Variants in UCMA observed in about 807,000 individuals in gnomAD.
UCMA encodes upper zone of growth plate and cartilage matrix associated.
In UCMA, 21 loss-of-function variants were observed where a neutral mutation model predicts 21.8. That is an observed-to-expected ratio of 0.97 (90% CI 0.68 to 1.39). The LOEUF (loss-of-function observed/expected upper bound fraction) is 1.39. Ranked by LOEUF, UCMA falls within the 40% of genes most tolerant of loss-of-function variation. The pLI, the probability that UCMA is intolerant of heterozygous loss-of-function variation, is 0.00. For missense variants in UCMA, 193 were observed against 178.9 expected, an observed-to-expected ratio of 1.08 and a Z score of -0.45; for synonymous variants, 76 against 67.9, an observed-to-expected ratio of 1.12 and a Z score of -0.58.
At chr10:13,231,254 C>A (rs1834896200) in intron 3 of UCMA, among the ~76,000 whole-genome samples, 1 of 152,160 alleles carries the variant, frequency 6.6e-6, no homozygotes, top group Non-Finnish European at 1.5e-5. Context: ...CCGTGACCTA[C>A]TTAGTTGCAG....
intron 3 of UCMA, among the ~76,000 whole-genome samples, chr10:13,231,419 C>G (rs912306004): frequency 6.6e-6 from 1 of 152,108 alleles, no homozygotes; most frequent in Admixed American, 6.6e-5. Flanking sequence ...AGCTAGGGTA[C>G]CAGGTTCCCA....
intron 4 of UCMA, among the ~76,000 whole-genome samples, chr10:13,227,945 T>G (rs1834845778): frequency 2.0e-5 from 3 of 152,008 alleles, no homozygotes; most frequent in African/African-American, 7.2e-5. Context: ...CATCCTCCAC[T>G]GAGCCCTGGC....
chr10:13,227,898 AAGAC>A (rs1198416390), intron 4 of UCMA, among the ~76,000 whole-genome samples: 2 of 151,650 alleles, frequency 1.3e-5, no homozygotes, highest in Non-Finnish European at 2.9e-5. Context: ...CAGTGGCTCA[AAGAC>A]AGAGCATCCT....
chr10:13,222,637 A>G (rs1213411366), intron 4 of UCMA, among the ~76,000 whole-genome samples: 4 of 151,948 alleles, frequency 2.6e-5, no homozygotes, highest in Non-Finnish European at 2.9e-5. Flanking sequence ...GTCGACTTGG[A>G]GTTTTTTTTC....
rs1196563690 is a variant in UCMA, at chr10:13,222,177, C to T, written c.343G>A (p.Ala115Thr). 6.2e-7 allele frequency: 1 copy of T among 1,613,980 alleles called. No homozygotes were observed. Residue 115 changes from alanine to threonine, a missense_variant, in exon 5 of 5, where the codon GCT becomes ACT. Physicochemically the swap from Ala to Thr is moderately conservative, Grantham distance 58. Coordinates refer to ENST00000378681, the MANE Select transcript of UCMA (RefSeq NM_145314.3). ...TGCCACTGGCGCCACTGCTCCACAG[C>T]CTCCCGGCTCCTCTCTTCCTGCTCT... ...NDEQEERSRE[A>T]VEQWRQWHYD...
intron 4 of UCMA, among the ~76,000 whole-genome samples, chr10:13,229,390 C>T (rs1834867824): frequency 1.3e-5 from 2 of 151,906 alleles, no homozygotes. Context: ...TCTGTAATCC[C>T]AGCTACTCTG....
intron 3 of UCMA, among the ~76,000 whole-genome samples, chr10:13,232,611 A>T (rs1342039892): frequency 6.6e-6 from 1 of 152,118 alleles, no homozygotes; most frequent in East Asian, 1.9e-4. Flanking sequence ...TAAAAAAAGA[A>T]ATTTCATCTC....
chr10:13,223,199 C>T (rs1834780379), intron 4 of UCMA, among the ~76,000 whole-genome samples: 1 of 147,698 alleles, frequency 6.8e-6, no homozygotes, highest in Admixed American at 6.8e-5. Context: ...GCACTCCAGC[C>T]TGGGCGACAG....
At chr10:13,225,577 A>G (rs1245267335) in intron 4 of UCMA, among the ~76,000 whole-genome samples, 1 of 149,860 alleles carries the variant, frequency 6.7e-6, no homozygotes, top group Non-Finnish European at 1.5e-5. Flanking sequence ...CAGGAAGCTG[A>G]GGCAGGAGAA....
Position 13,229,643 on chromosome 10 carries a change from T to A in UCMA, c.287A>T (p.Glu96Val). 6.2e-7 allele frequency: 1 copy of A among 1,614,166 alleles called. No individual in the cohort carries two copies. Among genetic ancestry groups the A allele is most frequent in the African/African-American group, 1.3e-5 (1 of 75,046 alleles). ...RREYYEEQRN[E>V]FENFVEEQND... ...TTGTTCCTCCACGAAGTTCTCAAAT[T>A]CATTCCTTTGTTCCTCGTAATATTC... The change falls in exon 4 of 5, where the codon GAA becomes GTA. Residue 96 changes from glutamate (E) to valine (V), a missense_variant. Glu to Val is a moderately radical substitution (Grantham distance 121). Transcript: ENST00000378681.
At chr10:13,227,445 C>T (rs78446141) in intron 4 of UCMA, among the ~76,000 whole-genome samples, 1,819 of 152,220 alleles carry the variant, frequency 0.012, 33 homozygotes, top group African/African-American at 0.042. Flanking sequence ...GGGCTAGGTG[C>T]GATGGCCCAC....
At chr10:13,225,212 C>A (rs1404243926) in intron 4 of UCMA, among the ~76,000 whole-genome samples, 1 of 152,008 alleles carries the variant, frequency 6.6e-6, no homozygotes, top group Non-Finnish European at 1.5e-5. Context: ...CACCACCATG[C>A]CGGGCTAATT....
rs781735904 is a variant in UCMA at position 13,222,192 on chromosome 10, C to T, written c.328G>A (p.Glu110Lys). 3 of 1,613,770 alleles carry T rather than the reference C, an allele frequency of 1.9e-6. No homozygotes were observed. Among genetic ancestry groups the T allele is most frequent in the East Asian group, 2.2e-5 (1 of 44,884 alleles). The part of the protein sequence containing the change: ...FVEEQNDEQE[E>K]RSREAVEQWR... ...TGCTCCACAGCCTCCCGGCTCCTCT[C>T]TTCCTGCTCTGGGGAGGAAAGACAA... The change falls in exon 5 of 5, where the codon GAG becomes AAG. Residue 110 changes from glutamate (E) to lysine (K), a missense_variant. By Grantham distance (56) the Glu-to-Lys change is moderately conservative. Transcript: ENST00000378681.
intron 4 of UCMA, 51 bp downstream of exon 4, chr10:13,229,560 T>C (rs770624904): frequency 1.8e-5 from 27 of 1,511,586 alleles, no homozygotes; most frequent in Non-Finnish European, 2.2e-5. Context: ...AACCATGTGA[T>C]TTCTCCCCAA....
chr10:13,227,918 C>G (rs75460581), intron 4 of UCMA, among the ~76,000 whole-genome samples: 3 of 151,822 alleles, frequency 2.0e-5, no homozygotes, highest in Non-Finnish European at 4.4e-5. Context: ...ATCCTCTACC[C>G]GTGTCCCCAG....
chr10:13,228,595 G>A (rs183512189), intron 4 of UCMA, among the ~76,000 whole-genome samples: 1 of 152,302 alleles, frequency 6.6e-6, no homozygotes, highest in Non-Finnish European at 1.5e-5. Context: ...AAGATGCTGA[G>A]TACACTGAAT....
intron 3 of UCMA, among the ~76,000 whole-genome samples, chr10:13,230,828 G>A (rs1427068535): frequency 2.1e-4 from 32 of 152,174 alleles, no homozygotes; most frequent in Admixed American, 1.4e-3. Flanking sequence ...AGGCCGAGGC[G>A]GGCGGATCAC....
chr10:13,228,489 T>A (rs1834853242), intron 4 of UCMA, among the ~76,000 whole-genome samples: 1 of 152,186 alleles, frequency 6.6e-6, no homozygotes, highest in Non-Finnish European at 1.5e-5. Flanking sequence ...AGCCTGAAGA[T>A]AGGCTGTAGA....
intron 3 of UCMA, among the ~76,000 whole-genome samples, chr10:13,230,779 G>A (rs760557439): frequency 1.2e-4 from 19 of 152,158 alleles, no homozygotes; most frequent in Non-Finnish European, 2.2e-4. Context: ...ATCTCAGGCC[G>A]GGCGTGGCGG....
Sources: gnomAD v4.1 joint callset for allele counts (sites outside exome capture counted in the v4.1 genomes callset) on GRCh38, gnomAD v4.1.1 for gene constraint, MANE v1.5 for transcripts, NCBI Gene and HGNC (gene_info 2026-07-23, HGNC 2026-07-21) for gene names.